The following CAPS2 variants were observed in gnomAD, a reference collection of about 807,000 sequenced individuals.
CAPS2 encodes calcyphosin-2.
CAPS2 carries 98 observed loss-of-function variants against 86.5 expected under a neutral mutation model. The observed-to-expected ratio is 1.13, with a 90% confidence interval of 0.96 to 1.34. The LOEUF (loss-of-function observed/expected upper bound fraction) is 1.34, where lower values mean the gene tolerates loss of function less well. CAPS2 is among the 40% of genes most tolerant of loss of function. The probability of loss-of-function intolerance (pLI) is 0.00; values close to 1 mark genes in which losing one functional copy is unlikely to be tolerated. For synonymous variants in CAPS2, 210 were observed against 225.1 expected (o/e 0.93, Z 0.60); for missense variants, 729 against 686.8 (o/e 1.06, Z -0.69).
intron 1 of CAPS2, among the ~76,000 whole-genome samples, chr12:75,359,042 T>C (rs914228856): frequency 6.0e-5 from 9 of 150,334 alleles, no homozygotes; most frequent in African/African-American, 1.9e-4. Flanking sequence ...CTGTGCTGAT[T>C]GCTACTGTAT....
At chr12:75,306,012 T>C in intron 7 of CAPS2, 1 of 1,460,778 alleles carries the variant, frequency 6.8e-7, no homozygotes, top group South Asian at 1.3e-5. Context: ...CTCATGATCC[T>C]GAGCCTCATT....
intron 1 of CAPS2, among the ~76,000 whole-genome samples, chr12:75,368,371 C>T (rs1377674444): frequency 2.0e-5 from 3 of 150,082 alleles, no homozygotes; most frequent in African/African-American, 7.3e-5. Context: ...ACAATTTTTT[C>T]CTGCATCTCT....
chr12:75,281,528 C>A (rs901984250), intron 16 of CAPS2, among the ~76,000 whole-genome samples: 1 of 151,890 alleles, frequency 6.6e-6, no homozygotes. Context: ...ATCTTCAGTG[C>A]GCCTTTCATG....
upstream of CAPS2, among the ~76,000 whole-genome samples, chr12:75,326,876 CAAG>C (rs1215888541): frequency 6.6e-6 from 1 of 152,010 alleles, no homozygotes; most frequent in East Asian, 1.9e-4. Flanking sequence ...AAGAGGGAAG[CAAG>C]AAGAACAGAG....
chr12:75,381,271 G>C (rs1232579711), intron 1 of CAPS2, among the ~76,000 whole-genome samples: 4 of 152,148 alleles, frequency 2.6e-5, no homozygotes, highest in Non-Finnish European at 5.9e-5. Context: ...AGTGGCTTTA[G>C]CCCTCTGCCA....
chr12:75,374,356 T>C (rs2044537695), intron 1 of CAPS2, among the ~76,000 whole-genome samples: 1 of 152,194 alleles, frequency 6.6e-6, no homozygotes, highest in Admixed American at 6.5e-5. Flanking sequence ...AAAATCCAAA[T>C]AGGCCCTCTA....
intron 1 of CAPS2, chr12:75,363,196 CA>C: frequency 1.6e-6 from 2 of 1,289,476 alleles, no homozygotes; most frequent in Non-Finnish European, 1.0e-6. Context: ...CTGCAGTAAG[CA>C]AAAATATATA....
chr12:75,384,748 T>G (rs997645787), intron 1 of CAPS2, among the ~76,000 whole-genome samples: 1 of 152,040 alleles, frequency 6.6e-6, no homozygotes, highest in Admixed American at 6.6e-5. Context: ...GATGCAAAAT[T>G]CCCCAACAAG....
chr12:75,309,958 A>C (rs1268526829), intron 7 of CAPS2, among the ~76,000 whole-genome samples: 1 of 152,244 alleles, frequency 6.6e-6, no homozygotes. Flanking sequence ...GGAAAATATG[A>C]AACCTCAAAC....
At chr12:75,328,928 G>A (rs964871151), upstream of CAPS2, among the ~76,000 whole-genome samples, 1 of 152,148 alleles carries the variant, frequency 6.6e-6, no homozygotes, top group African/African-American at 2.4e-5. Context: ...GAACACTTTC[G>A]GATCTATGGA....
intron 1 of CAPS2, among the ~76,000 whole-genome samples, chr12:75,342,545 G>A (rs2042188749): frequency 6.6e-6 from 1 of 152,124 alleles, no homozygotes; most frequent in African/African-American, 2.4e-5. Context: ...CTGTTCCATT[G>A]AGCTATTTGT....
At chr12:75,372,737 G>T (rs1326970704) in intron 1 of CAPS2, among the ~76,000 whole-genome samples, 3 of 152,166 alleles carry the variant, frequency 2.0e-5, no homozygotes, top group Non-Finnish European at 4.4e-5. Flanking sequence ...ACTTCAAAAG[G>T]CAATCCCACC....
chr12:75,284,471 G>A (rs1421825164), intron 15 of CAPS2, among the ~76,000 whole-genome samples: 2 of 151,998 alleles, frequency 1.3e-5, no homozygotes, highest in Admixed American at 1.3e-4. Flanking sequence ...TAATTTACAA[G>A]TTAATATTTA....
At chr12:75,363,146 G>A in intron 1 of CAPS2, 3 of 1,553,954 alleles carry the variant, frequency 1.9e-6, no homozygotes, top group Non-Finnish European at 2.6e-6. Flanking sequence ...GGAGAATCTT[G>A]CTCTCTCTGC....
chr12:75,304,353 T>C lies in CAPS2; in HGVS notation c.779+404A>G, dbSNP rs143595205. Among the ~76,000 whole-genome samples, 665 of 152,302 alleles carry C rather than the reference T, an allele frequency of 4.4e-3. 6 individuals carry two copies. The highest frequency in any genetic ancestry group is 0.015 in the African/African-American group (635 of 41,570). ...AGCATCAGAGGATTGTAAAAGATCATACCAATTCTAAGGTTGAAAAAGCTA... is the reference window on the plus strand; with the variant it reads ...AGCATCAGAGGATTGTAAAAGATCACACCAATTCTAAGGTTGAAAAAGCTA... On this transcript the variant is annotated intron_variant, in intron 8 of 16. Transcript: ENST00000393284.
At chr12:75,368,474 G>C (rs180894432) in intron 1 of CAPS2, among the ~76,000 whole-genome samples, 2 of 149,190 alleles carry the variant, frequency 1.3e-5, no homozygotes, top group African/African-American at 4.9e-5. Flanking sequence ...GTAAAATTTC[G>C]AAAGGTACCA....
downstream of CAPS2, chr12:75,276,877 G>C: frequency 1.0e-6 from 1 of 978,678 alleles, no homozygotes; most frequent in Non-Finnish European, 1.2e-6. Flanking sequence ...AGGTCTTTTA[G>C]AATTACAAAG....
At chr12:75,329,778 T>A, upstream of CAPS2, 1 of 1,437,294 alleles carries the variant, frequency 7.0e-7, no homozygotes, top group African/African-American at 1.4e-5. Flanking sequence ...GGGTAATATC[T>A]CCTTTCACCC....
At chr12:75,323,891 C>T (rs150486846) in intron 2 of CAPS2, among the ~76,000 whole-genome samples, 1 of 152,216 alleles carries the variant, frequency 6.6e-6, no homozygotes, top group African/African-American at 2.4e-5. Flanking sequence ...CATCTCTTTC[C>T]AATGCTGTGC....
Sources: allele counts gnomAD v4.1 joint callset (sites outside exome capture counted in the v4.1 genomes callset), GRCh38; gene constraint gnomAD v4.1.1; transcripts MANE v1.5; gene names NCBI Gene and HGNC (gene_info 2026-07-23, HGNC 2026-07-21).